Variants in PLEKHA6 observed in about 807,000 individuals in gnomAD.
The protein encoded by PLEKHA6 is pleckstrin homology domain-containing family A member 6.
PLEKHA6 carries 60 observed loss-of-function variants against 116.7 expected under a neutral mutation model. The ratio of observed to expected loss-of-function variants is 0.51; its 90% CI spans 0.42 to 0.64. The LOEUF is 0.64. Ranked by LOEUF, PLEKHA6 falls within the 30% of genes least tolerant of loss-of-function variation. PLEKHA6 has a pLI of 0.00. For synonymous variants in PLEKHA6, 489 were observed against 556.1 expected, an observed-to-expected ratio of 0.88 and a Z score of 1.70; for missense variants, 1,338 against 1,422.7, an observed-to-expected ratio of 0.94 and a Z score of 0.96.
chr1:204,337,274 C>T (rs1672681735), intron 1 of PLEKHA6, among the ~76,000 whole-genome samples: 2 of 152,102 alleles, frequency 1.3e-5, no homozygotes. Flanking sequence ...TGCTTCAGGC[C>T]AGAGAATGAG....
At chr1:204,297,881 T>C in intron 1 of PLEKHA6, 1 of 985,014 alleles carries the variant, frequency 1.0e-6, no homozygotes, top group East Asian at 1.1e-4. Context: ...GGTCCATCAA[T>C]GTGAGTGATA....
At position 204,238,473 on chromosome 1, in the gene PLEKHA6, C is replaced by A. The variant is rs532328822; in HGVS notation, c.2409+2902G>T. ...GACTATGGGTCACCAAGTCACCATG[C>A]GACCTGAACTGCCTATCATGAACAG... On this transcript the variant is annotated intron_variant, in intron 17 of 22. Coordinates refer to ENST00000272203, the MANE Select transcript of PLEKHA6 (RefSeq NM_014935.5). The surrounding 1 kb of genome is among the most constrained non-coding windows in gnomAD (Gnocchi z 4.2). 1.3e-5 allele frequency among the ~76,000 whole-genome samples: 2 copies of A among 152,174 alleles called. No homozygotes were observed. Among genetic ancestry groups the A allele is most frequent in the East Asian group, 3.8e-4 (2 of 5,202 alleles).
intron 1 of PLEKHA6, among the ~76,000 whole-genome samples, chr1:204,333,063 A>T (rs1672516497): frequency 6.6e-6 from 1 of 152,252 alleles, no homozygotes; most frequent in Non-Finnish European, 1.5e-5. Context: ...AGGATAAGGC[A>T]AACGACAAAC....
intron 1 of PLEKHA6, among the ~76,000 whole-genome samples, chr1:204,352,693 A>AT (rs1002651435): frequency 5.9e-5 from 9 of 152,040 alleles, no homozygotes; most frequent in African/African-American, 1.9e-4. Flanking sequence ...GAGTTTAAAA[A>AT]TTTTTTTTTG....
chr1:204,371,053 C>CAAAAAAAAAAAAAAAAAAAA (rs34493461), intron 2 of PLEKHA6, among the ~76,000 whole-genome samples: 10 of 68,484 alleles, frequency 1.5e-4, no homozygotes, highest in African/African-American at 4.8e-4. Context: ...GACTCTGCCT[C>CAAAAAAAAAAAAAAAAAAAA]AAAAAAAAAA....
At position 204,223,063 on chromosome 1, in the gene PLEKHA6, T is replaced by C. The variant is rs1232441081; in HGVS notation, c.*9-284A>G. 6.6e-6 allele frequency among the ~76,000 whole-genome samples: 1 copy of C among 152,164 alleles called. No individual in the cohort carries two copies. The highest frequency in any genetic ancestry group is 1.5e-5 in the Non-Finnish European group (1 of 68,032). On this transcript the variant is annotated intron_variant, in intron 22 of 22. Transcript: ENST00000272203. The surrounding 1 kb of genome is among the most constrained non-coding windows in gnomAD (Gnocchi z 4.8). ...TAAGATCTGGGAGTGGAGAAACAGCTTCTGAGGGCTTCTGAAGGTTCTGCA... is the reference window on the plus strand; with the variant it reads ...TAAGATCTGGGAGTGGAGAAACAGCCTCTGAGGGCTTCTGAAGGTTCTGCA...
chr1:204,348,158 C>A (rs991489623), intron 1 of PLEKHA6, among the ~76,000 whole-genome samples: 13 of 152,198 alleles, frequency 8.5e-5, no homozygotes, highest in Non-Finnish European at 1.3e-4. Flanking sequence ...TGACTGCTCT[C>A]ATTTTTACAG....
At chr1:204,370,435 C>T (rs923917769) in intron 2 of PLEKHA6, among the ~76,000 whole-genome samples, 3 of 152,228 alleles carry the variant, frequency 2.0e-5, no homozygotes, top group Admixed American at 6.5e-5. Flanking sequence ...AGAGATATCT[C>T]CCCGCACTGT....
At chr1:204,268,641 T>A (rs1049583305) in intron 3 of PLEKHA6, among the ~76,000 whole-genome samples, 2 of 149,768 alleles carry the variant, frequency 1.3e-5, no homozygotes, top group African/African-American at 2.5e-5. Context: ...CCTATCCTAC[T>A]CCCAACCTCC....
intron 1 of PLEKHA6, among the ~76,000 whole-genome samples, chr1:204,336,194 G>T (rs1209053860): frequency 6.6e-6 from 1 of 152,178 alleles, no homozygotes; most frequent in Non-Finnish European, 1.5e-5. Context: ...CCTTCAGACT[G>T]CAGATTAAAC....
At chr1:204,305,762 T>C (rs1314864285) in intron 1 of PLEKHA6, among the ~76,000 whole-genome samples, 1 of 151,464 alleles carries the variant, frequency 6.6e-6, no homozygotes, top group Admixed American at 6.6e-5. Flanking sequence ...TAAAAAAATG[T>C]TTAATGCCCA....
At chr1:204,365,261 T>C (rs1404807647) in intron 3 of PLEKHA6, among the ~76,000 whole-genome samples, 1 of 152,182 alleles carries the variant, frequency 6.6e-6, no homozygotes, top group African/African-American at 2.4e-5. Context: ...GCAAAGTTTT[T>C]AATGGAGAAT....
In PLEKHA6 at chr1:204,377,608, C is replaced by T. The variant is rs1034326717; in HGVS notation, c.58G>A (p.Gly20Ser). The T allele has an allele frequency of 2.6e-5, 4 of 152,362 alleles. 1 individual carries two copies. Among genetic ancestry groups the T allele is most frequent in the African/African-American group, 9.6e-5 (4 of 41,578 alleles). 9.4% of individuals were successfully genotyped at this position (152,362 alleles called of 1,614,324 possible). The change falls in exon 1 of 5, where the codon GGC (glycine) becomes AGC (serine). Residue 20 changes from glycine to serine, a missense_variant. Gly to Ser is a moderately conservative substitution (Grantham distance 56). Transcript: ENST00000564627. ...TTGATGAAGAAGATTCTCCCACCGCCGTCAACTCCGTAGGCCCACCGGCCG... is the reference window on the plus strand; with the variant it reads ...TTGATGAAGAAGATTCTCCCACCGCTGTCAACTCCGTAGGCCCACCGGCCG...
At chr1:204,239,718 A>C (rs1259236686) in intron 17 of PLEKHA6, among the ~76,000 whole-genome samples, 1 of 152,168 alleles carries the variant, frequency 6.6e-6, no homozygotes, top group Non-Finnish European at 1.5e-5. Flanking sequence ...CACAATTACA[A>C]CACCAACTAG....
chr1:204,260,849 T>A (rs1323494421), intron 7 of PLEKHA6, among the ~76,000 whole-genome samples: 1 of 152,212 alleles, frequency 6.6e-6, no homozygotes, highest in Non-Finnish European at 1.5e-5. Flanking sequence ...AACAACCCTA[T>A]GAGGTAGAGT....
intron 1 of PLEKHA6, among the ~76,000 whole-genome samples, chr1:204,324,713 C>A (rs543397651): frequency 6.6e-6 from 1 of 152,150 alleles, no homozygotes; most frequent in African/African-American, 2.4e-5. Context: ...CGATTAGGAT[C>A]CTGGTGTTTT....
chr1:204,235,187 A>G (rs191297053), intron 17 of PLEKHA6, among the ~76,000 whole-genome samples: 7 of 151,424 alleles, frequency 4.6e-5, no homozygotes, highest in African/African-American at 1.7e-4. Context: ...ATATGATTAG[A>G]CCCAAAAATG....
rs1026302727 is a variant in PLEKHA6 at position 204,259,195 on chromosome 1, C to T, written c.1007+63G>A. On this transcript the variant is annotated intron_variant, in intron 8 of 22. Transcript: ENST00000272203. The surrounding 1 kb of genome is among the most constrained non-coding windows in gnomAD (Gnocchi z 4.6). ...CAGGGGATGCCTCGTGGGCTATGAC[C>T]CCACTCGCACGCTCTAGCCATAATA... 1.7e-5 allele frequency: 27 copies of T among 1,548,522 alleles called. No homozygotes were observed. In the Admixed American group the frequency reaches 4.6e-4, roughly 26 times the overall value.
intron 1 of PLEKHA6, among the ~76,000 whole-genome samples, chr1:204,324,442 T>G (rs1163615945): frequency 6.6e-6 from 1 of 152,046 alleles, no homozygotes; most frequent in Non-Finnish European, 1.5e-5. Flanking sequence ...GGCTGGGCAA[T>G]AGGAAACTCC....
Sources: allele counts gnomAD v4.1 joint callset (sites outside exome capture counted in the v4.1 genomes callset), GRCh38; gene constraint gnomAD v4.1.1; non-coding constraint Gnocchi (gnomAD v3.1); transcripts MANE v1.5; gene names NCBI Gene and HGNC (gene_info 2026-07-23, HGNC 2026-07-21).